RNF157: variants seen among roughly 807,000 people sequenced by gnomAD.
The protein encoded by RNF157 is E3 ubiquitin ligase RNF157.
A neutral mutation model predicts 88.3 loss-of-function variants in RNF157; 55 were observed. The observed-to-expected ratio is 0.62, with a 90% CI of 0.50 to 0.78. RNF157 has a LOEUF of 0.78. RNF157 is among the 30% of genes least tolerant of loss of function. The pLI is 0.00. For synonymous variants in RNF157, 334 were observed against 341.2 expected, an observed-to-expected ratio of 0.98 and a Z score of 0.23; for missense variants, 788 against 860.8, an observed-to-expected ratio of 0.92 and a Z score of 1.06.
At chr17:76,185,530 C>T (rs922640310) in intron 2 of RNF157, among the ~76,000 whole-genome samples, 2 of 149,446 alleles carry the variant, frequency 1.3e-5, no homozygotes, top group Non-Finnish European at 1.5e-5. Context: ...AGTGCAGTGG[C>T]GCGATCTCGG....
Position 76,155,706 on chromosome 17 carries a change from A to G in RNF157, c.1554T>C (p.Ser518=). 1 of 1,597,898 alleles carries G rather than the reference A, an allele frequency of 6.3e-7. No homozygotes were observed. The highest frequency in any genetic ancestry group is 8.5e-7 in the Non-Finnish European group (1 of 1,172,284). ...TCTGGGAGGATGCCATGGACATGAC[A>G]GACTGGGCCAAGCTGCTGCTGGCAG... is the stretch of plus-strand genomic sequence containing the variant. The part of the protein sequence containing the change: ...EGPASSSLAQ[S]VMSMASSQIS... Residue 518 remains serine (S), a synonymous_variant, in exon 15 of 19, where the codon TCT becomes TCC. Transcript: ENST00000269391.
At chr17:76,231,872 G>A (rs988933369) in intron 1 of RNF157, among the ~76,000 whole-genome samples, 2 of 152,126 alleles carry the variant, frequency 1.3e-5, no homozygotes, top group African/African-American at 4.8e-5. Flanking sequence ...ACCCCAAAAT[G>A]TTCCATCATG....
In RNF157 at chr17:76,145,248, G is replaced by A. The variant is rs367884413; in HGVS notation, c.2027C>T (p.Pro676Leu). ...AGAGGCTGGGGCTCAGACAGCCAAA[G>A]GGCCCCACACACAGGGCCTCGTCTC... ...DSETRPCVWG[P>L]LAV The change falls in exon 19 of 19, where the codon CCT (proline) becomes CTT (leucine). Residue 676 changes from proline (P) to leucine (L), a missense_variant. Pro to Leu is a moderately conservative substitution (Grantham distance 98, BLOSUM62 -3). Transcript: ENST00000269391. 3.1e-6 allele frequency: 5 copies of A among 1,604,054 alleles called. No homozygotes were observed. Among genetic ancestry groups the A allele is most frequent in the Non-Finnish European group, 4.3e-6 (5 of 1,175,232 alleles).
In RNF157 at chr17:76,176,502, A is replaced by C. The variant is rs1022160288; in HGVS notation, c.208-2712T>G. Among the ~76,000 whole-genome samples the C allele has an allele frequency of 6.6e-6, 1 of 152,172 alleles. No individual in the cohort carries two copies. The highest frequency in any genetic ancestry group is 2.4e-5 in the African/African-American group (1 of 41,438). ...CCTACTATTACTCTCGAAATTTCTTAGTGAGTTATCTTCCTTTCAAAAATT... is the reference window on the plus strand; with the variant it reads ...CCTACTATTACTCTCGAAATTTCTTCGTGAGTTATCTTCCTTTCAAAAATT... On this transcript the variant is annotated intron_variant, in intron 2 of 18. Coordinates refer to ENST00000269391, the MANE Select transcript of RNF157 (RefSeq NM_052916.3). The surrounding 1 kb of genome is among the most constrained non-coding windows in gnomAD (Gnocchi z 4.2).
intron 18 of RNF157, chr17:76,147,426 A>G (rs1307458651): frequency 2.5e-6 from 2 of 785,692 alleles, no homozygotes; most frequent in Admixed American, 6.2e-5. Flanking sequence ...CCAGCAAGCC[A>G]TGGAATGCTG....
chr17:76,218,126 G>T (rs918747936), intron 1 of RNF157, among the ~76,000 whole-genome samples: 1 of 151,932 alleles, frequency 6.6e-6, no homozygotes, highest in African/African-American at 2.4e-5. Flanking sequence ...AAACCAAAAG[G>T]TATGAGCCAG....
In RNF157 at chr17:76,160,237, T is replaced by A. The variant is rs969087449; in HGVS notation, c.1066-664A>T. Among the ~76,000 whole-genome samples the A allele has an allele frequency of 3.3e-5, 5 of 152,230 alleles. No homozygotes were observed. Among genetic ancestry groups the A allele is most frequent in the African/African-American group, 9.6e-5 (4 of 41,464 alleles). ...TGGGAATCTAGTTGTGTCTAACACA[T>A]CCTATTGTAAACAAGTTTTGATGAA... On this transcript the variant is annotated intron_variant, in intron 11 of 18. Transcript: ENST00000269391. The surrounding 1 kb of genome is among the most constrained non-coding windows in gnomAD (Gnocchi z 4.3).
At chr17:76,173,339 A>G (rs1485390833) in intron 3 of RNF157, among the ~76,000 whole-genome samples, 1 of 152,208 alleles carries the variant, frequency 6.6e-6, no homozygotes, top group Non-Finnish European at 1.5e-5. Context: ...AGGATTTGAT[A>G]TTCTAAGTTC....
chr17:76,165,683 C>CTTT (rs35164451), intron 6 of RNF157, 138 bp from the exon 7 acceptor site: 27 of 653,588 alleles, frequency 4.1e-5, no homozygotes, highest in East Asian at 1.3e-4. Flanking sequence ...ATAACCCATA[C>CTTT]TTTTTTTTTT....
intron 1 of RNF157, among the ~76,000 whole-genome samples, chr17:76,220,374 G>A (rs1219664848): frequency 7.8e-6 from 1 of 128,876 alleles, no homozygotes; most frequent in Admixed American, 8.1e-5. Flanking sequence ...CAATGAGTTC[G>A]TAATGATATC....
intron 18 of RNF157, 137 bp from the exon 19 acceptor site, chr17:76,145,490 C>T (rs1047534999): frequency 1.8e-5 from 11 of 626,510 alleles, no homozygotes; most frequent in African/African-American, 1.3e-4. Context: ...CGGTGCGAGC[C>T]ACAGCACTCG....
At chr17:76,224,205 TTAAA>T (rs1273297229) in intron 1 of RNF157, among the ~76,000 whole-genome samples, 8 of 152,374 alleles carry the variant, frequency 5.3e-5, no homozygotes, top group African/African-American at 1.9e-4. Flanking sequence ...ATTCATTGTA[TTAAA>T]TAATTTGCCT....
At chr17:76,202,128 TCACACACACACA>T (rs60491535) in intron 2 of RNF157, among the ~76,000 whole-genome samples, 15 of 134,602 alleles carry the variant, frequency 1.1e-4, no homozygotes, top group East Asian at 2.1e-4. Flanking sequence ...TCTCTCTCTC[TCACACACACACA>T]CACACACACA....
chr17:76,165,681 T>C (rs2144850887), intron 6 of RNF157, 136 bp from the exon 7 acceptor site: 3 of 846,150 alleles, frequency 3.5e-6, no homozygotes, highest in East Asian at 2.8e-5. Flanking sequence ...ATATAACCCA[T>C]ACTTTTTTTT....
At chr17:76,234,282 T>G (rs756048273) in intron 1 of RNF157, among the ~76,000 whole-genome samples, 1 of 152,252 alleles carries the variant, frequency 6.6e-6, no homozygotes, top group Admixed American at 6.5e-5. Context: ...AGTAGTTCTA[T>G]TCATCGGTTG....
Position 76,176,382 on chromosome 17 carries a change from AGAAGATGGAGGG to A in RNF157, c.208-2604_208-2593del. On this transcript the variant is annotated intron_variant, in intron 2 of 18. Transcript: ENST00000269391. The surrounding 1 kb of genome is among the most constrained non-coding windows in gnomAD (Gnocchi z 4.2). ...AAATTTGCAAATTCAGAGATAACAG[AGAAGATGGAGGG>A]GACAGTAGGATCAGAGGCAAATTAA... is the stretch of plus-strand genomic sequence containing the variant. Among the ~76,000 whole-genome samples the A allele has an allele frequency of 6.6e-6, 1 of 152,304 alleles. No individual in the cohort carries two copies. Among genetic ancestry groups the A allele is most frequent in the Non-Finnish European group, 1.5e-5 (1 of 68,020 alleles).
chr17:76,168,682 T>C (rs1205773480), intron 3 of RNF157, among the ~76,000 whole-genome samples: 1 of 152,150 alleles, frequency 6.6e-6, no homozygotes, highest in East Asian at 1.9e-4. Context: ...TCTGTCCTCC[T>C]GTAGAAGCTC....
At chr17:76,182,837 GATATATAGGATATATAGGAT>G (rs2069218895) in intron 2 of RNF157, among the ~76,000 whole-genome samples, 1 of 79,080 alleles carries the variant, frequency 1.3e-5, no homozygotes, top group Admixed American at 1.2e-4. Flanking sequence ...TCCTATATAT[GATATATAGGATATATAGGAT>G]ATATATATCC....
chr17:76,156,332 T>TGGG lies in RNF157; in HGVS notation c.1414-14_1414-12dup. The stretch of plus-strand genomic sequence containing the variant: ...AGTCACACCACATTCCTGGGGGTTG[T>TGGG]GGGGGGACACAACAGGACATGGAGC... On this transcript the variant is annotated splice_polypyrimidine_tract_variant and intron_variant, in intron 13 of 18. Coordinates refer to ENST00000269391, the MANE Select transcript of RNF157 (RefSeq NM_052916.3). 6.2e-7 allele frequency: 1 copy of TGGG among 1,613,688 alleles called. No individual in the cohort carries two copies. The highest frequency in any genetic ancestry group is 8.5e-7 in the Non-Finnish European group (1 of 1,179,908).
Sources: gnomAD v4.1 joint callset for allele counts (sites outside exome capture counted in the v4.1 genomes callset) on GRCh38, gnomAD v4.1.1 for gene constraint, Gnocchi (gnomAD v3.1) non-coding constraint, MANE v1.5 for transcripts, NCBI Gene and HGNC (gene_info 2026-07-23, HGNC 2026-07-21) for gene names.